Variants in WIPF3 observed in about 807,000 individuals in gnomAD.
The protein encoded by WIPF3 is WAS/WASL interacting protein family member 3.
A neutral mutation model predicts 38.9 loss-of-function variants in WIPF3; 33 were observed. That is an observed-to-expected ratio of 0.85 (90% CI 0.64 to 1.14). WIPF3 has a LOEUF of 1.14. Ranked by LOEUF, WIPF3 falls within the 50% of genes most tolerant of loss-of-function variation. The probability of loss-of-function intolerance (pLI) is 0.00; values close to 1 mark genes in which losing one functional copy is unlikely to be tolerated. For missense variants in WIPF3, 711 were observed against 652.5 expected (o/e 1.09, Z -0.98); for synonymous variants, 324 against 269.3 (o/e 1.20, Z -1.99).
At chr7:29,850,005 A>T (rs1056250985) in intron 2 of WIPF3, among the ~76,000 whole-genome samples, 4 of 152,230 alleles carry the variant, frequency 2.6e-5, no homozygotes, top group African/African-American at 4.8e-5. Flanking sequence ...AGGGAAGGGT[A>T]TGTCTTTAGG....
At chr7:29,888,356 A>G in intron 6 of WIPF3, 139 bp downstream of exon 6, 1 of 1,126,170 alleles carries the variant, frequency 8.9e-7, no homozygotes, top group Non-Finnish European at 1.2e-6. Context: ...TCACTCCAGC[A>G]CCAACCAGCC....
intron 7 of WIPF3, among the ~76,000 whole-genome samples, chr7:29,891,010 G>A (rs1173963760): frequency 2.1e-5 from 3 of 139,944 alleles, no homozygotes; most frequent in Admixed American, 2.1e-4. Context: ...TCAGGTGGAG[G>A]GGGCGAGGGC....
At chr7:29,819,744 G>C (rs1784509162) in intron 1 of WIPF3, among the ~76,000 whole-genome samples, 1 of 151,928 alleles carries the variant, frequency 6.6e-6, no homozygotes, top group East Asian at 1.9e-4. Flanking sequence ...TACACATTAA[G>C]TTTGGTTTTC....
In WIPF3 at chr7:29,816,526, G is replaced by A. The variant is rs117104289; in HGVS notation, c.-58+9848G>A. ...TATTTTTTAGTAGAGATAGGGACCT[G>A]CTTTGTTGCCCAGGCTGGTCTTGAA... On this transcript the variant is annotated intron_variant, in intron 1 of 8. Coordinates refer to ENST00000242140, the MANE Select transcript of WIPF3 (RefSeq NM_001080529.3). Among the ~76,000 whole-genome samples the A allele has an allele frequency of 5.3e-3, 802 of 152,002 alleles. 5 individuals are homozygous for A. Among genetic ancestry groups the A allele is most frequent in the Middle Eastern group, 0.014 (4 of 294 alleles).
intron 1 of WIPF3, among the ~76,000 whole-genome samples, chr7:29,822,991 T>C (rs1784564607): frequency 6.6e-6 from 1 of 152,228 alleles, no homozygotes; most frequent in South Asian, 2.1e-4. Context: ...TTTAAAAAAT[T>C]ACATTTGGAA....
intron 1 of WIPF3, among the ~76,000 whole-genome samples, chr7:29,820,960 CTT>C (rs1784528662): frequency 6.6e-6 from 1 of 152,112 alleles, no homozygotes; most frequent in South Asian, 2.1e-4. Context: ...AGTTCCATTC[CTT>C]TCCGATAGCG....
intron 1 of WIPF3, among the ~76,000 whole-genome samples, chr7:29,826,480 G>A (rs1784617782): frequency 6.6e-6 from 1 of 152,270 alleles, no homozygotes; most frequent in East Asian, 1.9e-4. Context: ...CCTGGTTTAG[G>A]TATTGCTAGG....
intron 8 of WIPF3, among the ~76,000 whole-genome samples, chr7:29,913,526 G>T (rs191335715): frequency 6.6e-6 from 1 of 152,206 alleles, no homozygotes; most frequent in Admixed American, 6.5e-5. Flanking sequence ...TTATTCCCGT[G>T]ACCAGGAAAA....
At chr7:29,837,889 G>T (rs1462643271) in intron 2 of WIPF3, among the ~76,000 whole-genome samples, 1 of 151,954 alleles carries the variant, frequency 6.6e-6, no homozygotes, top group African/African-American at 2.4e-5. Context: ...AGTTTAGTGA[G>T]ATATTTTTAT....
intron 2 of WIPF3, among the ~76,000 whole-genome samples, chr7:29,873,272 C>T (rs1255862430): frequency 6.6e-6 from 1 of 152,180 alleles, no homozygotes; most frequent in Non-Finnish European, 1.5e-5. Flanking sequence ...ATGCACCATT[C>T]TCACCCTTGC....
chr7:29,887,763 A>G (rs1406974369), intron 5 of WIPF3, among the ~76,000 whole-genome samples: 1 of 152,192 alleles, frequency 6.6e-6, no homozygotes, highest in East Asian at 1.9e-4. Context: ...ACATTTATTG[A>G]GGACTTACTA....
chr7:29,913,854 G>A (rs1020039224), intron 8 of WIPF3, among the ~76,000 whole-genome samples: 2 of 152,148 alleles, frequency 1.3e-5, no homozygotes, highest in African/African-American at 2.4e-5. Context: ...GCAGGATCTG[G>A]TCTCCAGCCT....
At chr7:29,852,258 G>T (rs949679268) in intron 2 of WIPF3, among the ~76,000 whole-genome samples, 2 of 152,084 alleles carry the variant, frequency 1.3e-5, no homozygotes, top group African/African-American at 4.8e-5. Context: ...CTCCTGCCTT[G>T]GCCTCCCAAA....
intron 1 of WIPF3, among the ~76,000 whole-genome samples, chr7:29,817,281 TTATAA>T (rs1784470427): frequency 1.3e-5 from 2 of 152,160 alleles, no homozygotes; most frequent in Admixed American, 6.5e-5. Context: ...TTCCCCCAGT[TTATAA>T]TATGACTTAT....
intron 6 of WIPF3, among the ~76,000 whole-genome samples, chr7:29,888,955 C>G (rs1302870953): frequency 6.6e-6 from 1 of 152,204 alleles, no homozygotes; most frequent in African/African-American, 2.4e-5. Context: ...TTGCCAGTTC[C>G]TTGTTGGGAC....
intron 2 of WIPF3, among the ~76,000 whole-genome samples, chr7:29,835,175 T>C (rs533749522): frequency 1.6e-4 from 25 of 152,210 alleles, no homozygotes; most frequent in Non-Finnish European, 2.5e-4. Flanking sequence ...CCTTGTGAAG[T>C]CAAGTTCCAG....
At chr7:29,891,353 C>A (rs1378751550) in intron 7 of WIPF3, among the ~76,000 whole-genome samples, 1 of 152,112 alleles carries the variant, frequency 6.6e-6, no homozygotes, top group Non-Finnish European at 1.5e-5. Flanking sequence ...GCCCTGTGCT[C>A]AGGTGAGGGG....
intron 8 of WIPF3, among the ~76,000 whole-genome samples, chr7:29,910,902 G>A (rs1230526237): frequency 6.6e-6 from 1 of 152,096 alleles, no homozygotes; most frequent in African/African-American, 2.4e-5. Context: ...ACATAGTACT[G>A]GAAGTCTATC....
At chr7:29,882,195 A>C (rs1220382808) in intron 4 of WIPF3, among the ~76,000 whole-genome samples, 1 of 152,226 alleles carries the variant, frequency 6.6e-6, no homozygotes, top group African/African-American at 2.4e-5. Flanking sequence ...TCTCTGAGAC[A>C]TGGTGTCCTC....
Sources: allele counts gnomAD v4.1 joint callset (sites outside exome capture counted in the v4.1 genomes callset), GRCh38; gene constraint gnomAD v4.1.1; transcripts MANE v1.5; gene names NCBI Gene and HGNC (gene_info 2026-07-23, HGNC 2026-07-21).